The following RBFOX2 variants were observed in gnomAD, a reference collection of about 807,000 sequenced individuals.
The protein encoded by RBFOX2 is RNA binding fox-1 homolog 2, also known as RNA binding protein fox-1 homolog 2.
Under a neutral mutation model 49.1 loss-of-function variants are expected in RBFOX2, and 10 were observed. The ratio of observed to expected loss-of-function variants is 0.20; its 90% CI spans 0.13 to 0.35. The LOEUF is 0.35. Ranked by LOEUF, RBFOX2 falls within the 10% of genes least tolerant of loss-of-function variation. The probability of loss-of-function intolerance (pLI) is 1.00; values close to 1 mark genes in which losing one functional copy is unlikely to be tolerated. For missense variants in RBFOX2, 323 were observed against 486.9 expected (o/e 0.66, Z 3.17); for synonymous variants, 183 against 187.4 (o/e 0.98, Z 0.19).
chr22:35,973,684 G>T (rs1358251480), intron 1 of RBFOX2, among the ~76,000 whole-genome samples: 1 of 152,204 alleles, frequency 6.6e-6, no homozygotes, highest in Non-Finnish European at 1.5e-5. Flanking sequence ...GAGCCAATGT[G>T]ATCAATGTTT....
chr22:35,883,376 G>T (rs1430535724), intron 1 of RBFOX2, among the ~76,000 whole-genome samples: 3 of 152,226 alleles, frequency 2.0e-5, no homozygotes, highest in Non-Finnish European at 2.9e-5. Flanking sequence ...CTGCTAAAAA[G>T]GCTAGAAGCC....
At chr22:35,994,848 T>C (rs1011624405) in intron 1 of RBFOX2, 8 of 152,234 alleles carry the variant, frequency 5.3e-5, no homozygotes, top group Non-Finnish European at 1.2e-4. Flanking sequence ...TGCAGCTCTA[T>C]AGCCACATGT....
intron 1 of RBFOX2, among the ~76,000 whole-genome samples, chr22:35,909,131 T>C (rs5755987): frequency 0.22 from 33,692 of 152,098 alleles, 5,798 homozygotes; most frequent in African/African-American, 0.48. Context: ...AGTGAGCCAC[T>C]GCGCCCAGCA....
intron 1 of RBFOX2, among the ~76,000 whole-genome samples, chr22:35,814,726 A>AG (rs953972107): frequency 2.0e-5 from 3 of 150,312 alleles, no homozygotes; most frequent in African/African-American, 4.9e-5. Flanking sequence ...AAAAAAAAAA[A>AG]AAAAAAAAAA....
At chr22:35,978,757 T>C (rs913252653) in intron 1 of RBFOX2, among the ~76,000 whole-genome samples, 4 of 152,112 alleles carry the variant, frequency 2.6e-5, no homozygotes, top group Non-Finnish European at 5.9e-5. Context: ...ATGAGTCCAT[T>C]TGATAGAAAT....
At chr22:36,020,207 G>T (rs2059190095) in intron 1 of RBFOX2, among the ~76,000 whole-genome samples, 2 of 152,192 alleles carry the variant, frequency 1.3e-5, no homozygotes, top group Admixed American at 6.5e-5. Flanking sequence ...GCAGAAAGCT[G>T]AAACTGGATC....
At chr22:35,932,118 CACTT>C (rs1422441752) in intron 1 of RBFOX2, among the ~76,000 whole-genome samples, 28 of 152,208 alleles carry the variant, frequency 1.8e-4, no homozygotes, top group East Asian at 5.8e-4. Flanking sequence ...AACCTGAACA[CACTT>C]ACCATGTCCT....
At chr22:35,753,955 G>C (rs1935978504) in intron 9 of RBFOX2, among the ~76,000 whole-genome samples, 1 of 149,750 alleles carries the variant, frequency 6.7e-6, no homozygotes, top group Non-Finnish European at 1.5e-5. Context: ...GCTAATTTTT[G>C]TATTTTTAGT....
chr22:35,793,283 G>A (rs1948136928), intron 2 of RBFOX2, among the ~76,000 whole-genome samples: 1 of 152,210 alleles, frequency 6.6e-6, no homozygotes, highest in Non-Finnish European at 1.5e-5. Context: ...TGAGGCAGGA[G>A]AATCGCTTGA....
intron 1 of RBFOX2, among the ~76,000 whole-genome samples, chr22:35,944,613 G>A (rs2054066516): frequency 6.6e-6 from 1 of 152,106 alleles, no homozygotes. Context: ...TAAATCCTAA[G>A]CATTGACCAA....
At chr22:35,961,540 C>G (rs1041378943) in intron 1 of RBFOX2, 102 of 1,303,932 alleles carry the variant, frequency 7.8e-5, no homozygotes, top group Non-Finnish European at 9.3e-5. Flanking sequence ...CACCACCCCC[C>G]ACACACCCAA....
At chr22:35,765,348 C>A in intron 6 of RBFOX2, 75 bp downstream of exon 7, 1 of 1,052,476 alleles carries the variant, frequency 9.5e-7, no homozygotes, top group Non-Finnish European at 1.4e-6. Context: ...GAAATAAAGA[C>A]ATTCTTAGAA....
intron 1 of RBFOX2, among the ~76,000 whole-genome samples, chr22:35,938,223 CAAGTATTCAAACAACAAAAAGAT>C (rs2053318265): frequency 6.6e-6 from 1 of 152,158 alleles, no homozygotes; most frequent in Admixed American, 6.5e-5. Flanking sequence ...GTCATGGGCT[CAAGTATTCAAACAACAAAAAGAT>C]AGGGAAGGCA....
upstream of RBFOX2, among the ~76,000 whole-genome samples, chr22:35,941,726 T>C (rs964204867): frequency 5.9e-5 from 9 of 151,914 alleles, no homozygotes; most frequent in Admixed American, 2.6e-4. Flanking sequence ...AGTTCAACAA[T>C]GAAAAAAATA....
At chr22:35,895,125 TGAGTATCTGAACTA>T (rs1339752039) in intron 1 of RBFOX2, among the ~76,000 whole-genome samples, 6 of 151,982 alleles carry the variant, frequency 3.9e-5, no homozygotes, top group African/African-American at 1.5e-4. Flanking sequence ...TTCCCAGCTC[TGAGTATCTGAACTA>T]GAGTGTACAG....
Position 35,822,995 on chromosome 22 carries a change from T to C in RBFOX2, c.28-12991A>G, listed in dbSNP as rs191590062. Among the ~76,000 whole-genome samples the C allele has an allele frequency of 8.9e-4, 135 of 152,214 alleles. 1 individual carries two copies. Among genetic ancestry groups the C allele is most frequent in the Non-Finnish European group, 6.3e-4 (43 of 67,986 alleles). ...CCTGCCACCACGCCTGGCTAATTTT[T>C]GCATTTTTAGTAGAGACAGGGTTTC... On this transcript the variant is annotated intron_variant, in intron 1 of 11. Transcript: ENST00000405409.
At chr22:35,815,532 C>T (rs1433816948) in intron 1 of RBFOX2, among the ~76,000 whole-genome samples, 2 of 152,140 alleles carry the variant, frequency 1.3e-5, no homozygotes, top group African/African-American at 4.8e-5. Context: ...CCTTGAGTCC[C>T]ACTTATATAC....
intron 1 of RBFOX2, among the ~76,000 whole-genome samples, chr22:35,903,280 C>G (rs2149463350): frequency 6.6e-6 from 1 of 152,312 alleles, no homozygotes; most frequent in East Asian, 1.9e-4. Context: ...TTTATCTGAC[C>G]TCTTAGCAGG....
chr22:35,982,798 A>G (rs2057526247), intron 1 of RBFOX2, among the ~76,000 whole-genome samples: 1 of 151,986 alleles, frequency 6.6e-6, no homozygotes, highest in Non-Finnish European at 1.5e-5. Flanking sequence ...TATCGTTTAA[A>G]AAAAAAAAAA....
Sources: allele counts gnomAD v4.1 joint callset (sites outside exome capture counted in the v4.1 genomes callset), GRCh38; gene constraint gnomAD v4.1.1; transcripts MANE v1.5; gene names NCBI Gene and HGNC (gene_info 2026-07-23, HGNC 2026-07-21).